RIN2: variants seen among roughly 807,000 people sequenced by gnomAD.
RIN2 encodes Ras and Rab interactor 2, also known as RAB5 interacting protein 2.
In RIN2, 36 loss-of-function variants were observed where a neutral mutation model predicts 78.0. That is an observed-to-expected ratio of 0.46 (90% confidence interval 0.35 to 0.61). The LOEUF (loss-of-function observed/expected upper bound fraction) is 0.61. RIN2 is among the 20% of genes least tolerant of loss of function. RIN2 has a pLI of 0.00. For synonymous variants in RIN2, 466 were observed against 466.8 expected, an observed-to-expected ratio of 1.00 and a Z score of 0.02; for missense variants, 1,087 against 1,159.7, an observed-to-expected ratio of 0.94 and a Z score of 0.91.
chr20:19,859,315 T>C (rs2037261659), intron 2 of RIN2, among the ~76,000 whole-genome samples: 1 of 152,234 alleles, frequency 6.6e-6, no homozygotes, highest in Non-Finnish European at 1.5e-5. Context: ...AGAGGACTGC[T>C]GGGATTCACA....
At chr20:19,834,630 A>T (rs1335183245) in intron 2 of RIN2, among the ~76,000 whole-genome samples, 1 of 152,184 alleles carries the variant, frequency 6.6e-6, no homozygotes, top group Non-Finnish European at 1.5e-5. Context: ...TAGTCTTCAG[A>T]TTTCATAAAT....
At position 19,974,824 on chromosome 20, in the gene RIN2, G is replaced by C. The variant is rs766561913; in HGVS notation, c.799G>C (p.Gly267Arg). ...AGAGCTGGAGTGCAGCCAGACCAAC[G>C]GGGCCCTGTGCTTTATTAATCCCCT... ...PSELECSQTN[G>R]ALCFINPLFL... The change falls in exon 9 of 13, where the codon GGG becomes CGG. Residue 267 changes from glycine to arginine, a missense_variant. This residue lies in a region of RIN2 where 706 missense variants were observed against 667.5 expected (regional missense o/e 1.06). Coordinates refer to ENST00000255006, the MANE Select transcript of RIN2 (RefSeq NM_018993.4). 4.1e-5 allele frequency: 66 copies of C among 1,613,846 alleles called. 1 individual carries two copies. In the Admixed American group the frequency reaches 8.8e-4, roughly 22 times the overall value.
At chr20:19,772,388 G>A (rs900678213) in intron 1 of RIN2, among the ~76,000 whole-genome samples, 9 of 152,114 alleles carry the variant, frequency 5.9e-5, no homozygotes, top group Non-Finnish European at 1.2e-4. Flanking sequence ...CAAGGTCACC[G>A]ATGACCCCCC....
At chr20:19,761,419 A>G (rs1008530458) in intron 1 of RIN2, among the ~76,000 whole-genome samples, 1 of 152,166 alleles carries the variant, frequency 6.6e-6, no homozygotes, top group Non-Finnish European at 1.5e-5. Context: ...TTATGGCAGG[A>G]CTTTAAGGAG....
chr20:19,867,636 A>G (rs377205939), intron 2 of RIN2, among the ~76,000 whole-genome samples: 109 of 152,258 alleles, frequency 7.2e-4, no homozygotes, highest in Middle Eastern at 3.4e-3. Context: ...CATGTTTTGC[A>G]CCCGTGGCAG....
chr20:19,759,768 G>C (rs1176372312), intron 1 of RIN2, among the ~76,000 whole-genome samples: 1 of 152,218 alleles, frequency 6.6e-6, no homozygotes, highest in Non-Finnish European at 1.5e-5. Flanking sequence ...GGGAGGCTGA[G>C]GTGGGAGAAT....
At chr20:19,806,667 T>G (rs1416954608) in intron 2 of RIN2, among the ~76,000 whole-genome samples, 1 of 151,930 alleles carries the variant, frequency 6.6e-6, no homozygotes, top group African/African-American at 2.4e-5. Flanking sequence ...GAGGCTGAGG[T>G]GGGATGATTG....
At chr20:19,851,867 T>C (rs898080988) in intron 2 of RIN2, among the ~76,000 whole-genome samples, 8 of 152,090 alleles carry the variant, frequency 5.3e-5, no homozygotes, top group South Asian at 2.1e-4. Flanking sequence ...AACTCAGAGG[T>C]ATACAACAAC....
At chr20:19,978,295 C>G (rs2042345256) in intron 9 of RIN2, among the ~76,000 whole-genome samples, 1 of 152,202 alleles carries the variant, frequency 6.6e-6, no homozygotes, top group Non-Finnish European at 1.5e-5. Context: ...GGAGATAATA[C>G]ACTGGTTTAA....
At chr20:19,942,783 T>C (rs1335646255) in intron 4 of RIN2, among the ~76,000 whole-genome samples, 2 of 152,184 alleles carry the variant, frequency 1.3e-5, no homozygotes, top group East Asian at 3.8e-4. Context: ...GTGGCTAGCT[T>C]ATCTGTTTAC....
chr20:19,845,217 A>T (rs2036742698), intron 2 of RIN2, among the ~76,000 whole-genome samples: 1 of 152,258 alleles, frequency 6.6e-6, no homozygotes, highest in South Asian at 2.1e-4. Flanking sequence ...TCTTTATAGT[A>T]GAATGAGTTA....
chr20:19,848,581 T>C (rs1303444760), intron 2 of RIN2, among the ~76,000 whole-genome samples: 2 of 150,024 alleles, frequency 1.3e-5, no homozygotes, highest in African/African-American at 4.9e-5. Context: ...CTGGAAGATC[T>C]GACTAAAAGA....
chr20:19,993,574 G>T (rs2042864794), intron 11 of RIN2, among the ~76,000 whole-genome samples: 1 of 152,026 alleles, frequency 6.6e-6, no homozygotes, highest in African/African-American at 2.4e-5. Flanking sequence ...CCCGATCCCA[G>T]GCAGGTATGA....
At chr20:19,993,250 C>G (rs1483675456) in intron 11 of RIN2, among the ~76,000 whole-genome samples, 1 of 151,392 alleles carries the variant, frequency 6.6e-6, no homozygotes, top group African/African-American at 2.4e-5. Context: ...CCAGACAAGC[C>G]CTGGGGGGGA....
rs78176521 is a variant in RIN2 at position 19,898,881 on chromosome 20, G to A, written c.57+9223G>A. ...ACCCTCTAATAAACAACTCTGGGGT[G>A]AAAGCAGAAATACAAACTGGAATTA... On this transcript the variant is annotated intron_variant, in intron 3 of 12. Coordinates refer to ENST00000255006, the MANE Select transcript of RIN2 (RefSeq NM_018993.4). Among the ~76,000 whole-genome samples the A allele has an allele frequency of 1.5e-3, 228 of 152,260 alleles. 1 individual carries two copies. Among genetic ancestry groups the A allele is most frequent in the African/African-American group, 5.4e-3 (224 of 41,552 alleles).
intron 2 of RIN2, among the ~76,000 whole-genome samples, chr20:19,877,709 G>T (rs146072288): frequency 1.0e-3 from 159 of 152,230 alleles, no homozygotes; most frequent in African/African-American, 3.7e-3. Context: ...TTGGATGGAG[G>T]GTGGGAGAGG....
At chr20:19,936,163 T>C (rs1480087744) in intron 4 of RIN2, among the ~76,000 whole-genome samples, 1 of 152,178 alleles carries the variant, frequency 6.6e-6, no homozygotes. Flanking sequence ...ACCCGATGTC[T>C]CTGGGGGAAC....
intron 2 of RIN2, 36 bp from the exon 3 acceptor site, chr20:19,889,530 G>A: frequency 6.5e-7 from 1 of 1,530,292 alleles, no homozygotes; most frequent in African/African-American, 1.4e-5. Context: ...ATTTCCTACA[G>A]GCTGGACTAA....
intron 9 of RIN2, among the ~76,000 whole-genome samples, chr20:19,987,366 A>T (rs2042653704): frequency 6.6e-6 from 1 of 152,230 alleles, no homozygotes; most frequent in African/African-American, 2.4e-5. Flanking sequence ...CCATGAATGT[A>T]GCTTTCAGAA....
Sources: allele counts gnomAD v4.1 joint callset (sites outside exome capture counted in the v4.1 genomes callset), GRCh38; gene constraint gnomAD v4.1.1; regional missense constraint gnomAD v4.1.1; transcripts MANE v1.5; gene names NCBI Gene and HGNC (gene_info 2026-07-23, HGNC 2026-07-21).